Variants in SYT1 observed in about 807,000 individuals in gnomAD.
The protein encoded by SYT1 is synaptotagmin-1.
Under a neutral mutation model 44.8 loss-of-function variants are expected in SYT1, and 8 were observed. The ratio of observed to expected loss-of-function variants is 0.18; its 90% CI spans 0.10 to 0.32. The LOEUF is 0.32. Ranked by LOEUF, SYT1 falls within the 10% of genes least tolerant of loss-of-function variation. SYT1 has a pLI of 1.00. For missense variants in SYT1, 286 were observed against 509.3 expected (o/e 0.56, Z 4.22); for synonymous variants, 154 against 188.8 (o/e 0.82, Z 1.51).
intron 9 of SYT1, among the ~76,000 whole-genome samples, chr12:79,385,043 A>G (rs1165291953): frequency 7.1e-6 from 1 of 141,430 alleles, no homozygotes; most frequent in African/African-American, 2.6e-5. Flanking sequence ...CTGGAGTGCA[A>G]TGGCATGATC....
intron 2 of SYT1, among the ~76,000 whole-genome samples, chr12:79,014,850 G>T (rs1170194665): frequency 6.6e-6 from 1 of 151,728 alleles, no homozygotes; most frequent in Non-Finnish European, 1.5e-5. Flanking sequence ...AGAAAATGTG[G>T]CACATATACA....
chr12:79,150,208 T>C (rs1055338605), intron 3 of SYT1, among the ~76,000 whole-genome samples: 3 of 152,174 alleles, frequency 2.0e-5, no homozygotes, highest in Non-Finnish European at 4.4e-5. Flanking sequence ...TATTACTAAC[T>C]GTAGTCTCCA....
intron 8 of SYT1, among the ~76,000 whole-genome samples, chr12:79,352,671 A>G (rs1457270126): frequency 1.3e-5 from 2 of 151,934 alleles, no homozygotes; most frequent in African/African-American, 4.8e-5. Context: ...CACTTAAGGC[A>G]GGAGAATCAG....
At chr12:78,990,654 A>G (rs1044862467) in intron 2 of SYT1, among the ~76,000 whole-genome samples, 1 of 152,134 alleles carries the variant, frequency 6.6e-6, no homozygotes, top group Non-Finnish European at 1.5e-5. Flanking sequence ...TCCTATTGAC[A>G]TTTCAAATTT....
intron 1 of SYT1, among the ~76,000 whole-genome samples, chr12:78,953,080 A>T (rs1879046152): frequency 6.6e-6 from 1 of 152,100 alleles, no homozygotes; most frequent in Non-Finnish European, 1.5e-5. Context: ...TATTTTCTTC[A>T]TCACTGTATT....
At chr12:79,349,902 T>C (rs997089124) in intron 8 of SYT1, among the ~76,000 whole-genome samples, 2 of 152,172 alleles carry the variant, frequency 1.3e-5, no homozygotes, top group Non-Finnish European at 2.9e-5. Context: ...AACTATTGGG[T>C]TCTTCTAATT....
At chr12:79,181,525 G>A (rs115249161) in intron 3 of SYT1, among the ~76,000 whole-genome samples, 496 of 150,952 alleles carry the variant, frequency 3.3e-3, no homozygotes, top group African/African-American at 0.011. Context: ...TTCTTCCAGG[G>A]CCCCCACTCT....
At chr12:78,973,882 A>T (rs1371747526) in intron 1 of SYT1, among the ~76,000 whole-genome samples, 1 of 141,692 alleles carries the variant, frequency 7.1e-6, no homozygotes, top group African/African-American at 2.6e-5. Context: ...AGATTTTCAA[A>T]GCAACTATAG....
chr12:79,115,619 G>T (rs965436456), intron 3 of SYT1, among the ~76,000 whole-genome samples: 6 of 152,146 alleles, frequency 3.9e-5, no homozygotes, highest in Non-Finnish European at 8.8e-5. Context: ...AGGTAACCTT[G>T]CCTCTGCACA....
chr12:79,334,007 C>T (rs1881976751), intron 8 of SYT1, among the ~76,000 whole-genome samples: 2 of 152,008 alleles, frequency 1.3e-5, no homozygotes, highest in South Asian at 4.1e-4. Flanking sequence ...AACATTGATA[C>T]CCAAAATCCT....
At chr12:78,882,918 G>C (rs1412744036) in intron 1 of SYT1, among the ~76,000 whole-genome samples, 3 of 151,338 alleles carry the variant, frequency 2.0e-5, no homozygotes, top group Non-Finnish European at 3.0e-5. Flanking sequence ...GGAACAGTCT[G>C]TGATCTTACA....
chr12:79,227,307 C>T (rs1368015009), intron 4 of SYT1, among the ~76,000 whole-genome samples: 4 of 152,032 alleles, frequency 2.6e-5, no homozygotes, highest in Non-Finnish European at 5.9e-5. Flanking sequence ...ACACTGTTAT[C>T]TAAATGAAGC....
At chr12:79,178,759 A>G (rs12422840) in intron 3 of SYT1, among the ~76,000 whole-genome samples, 109,131 of 150,368 alleles carry the variant, frequency 0.73, 40,249 homozygotes, top group African/African-American at 0.84. Context: ...CAAAACAGTA[A>G]TTTGTTTATT....
At chr12:78,995,100 T>G (rs769841493) in intron 2 of SYT1, among the ~76,000 whole-genome samples, 1 of 152,144 alleles carries the variant, frequency 6.6e-6, no homozygotes, top group Non-Finnish European at 1.5e-5. Context: ...AAGATTCTGA[T>G]TAAATAGGCC....
At chr12:79,066,510 T>G (rs117090083) in intron 3 of SYT1, among the ~76,000 whole-genome samples, 3,304 of 150,726 alleles carry the variant, frequency 0.022, 62 homozygotes, top group Middle Eastern at 0.11. Flanking sequence ...AACAACTCAG[T>G]GACATGGAGG....
chr12:79,415,246 G>A (rs1868660287), intron 9 of SYT1, among the ~76,000 whole-genome samples: 1 of 152,052 alleles, frequency 6.6e-6, no homozygotes, highest in African/African-American at 2.4e-5. Flanking sequence ...TGTTGCATGT[G>A]CATCCTTTCA....
intron 3 of SYT1, among the ~76,000 whole-genome samples, chr12:79,049,676 T>C (rs1198272131): frequency 6.6e-6 from 1 of 151,884 alleles, no homozygotes; most frequent in Non-Finnish European, 1.5e-5. Context: ...GATAATACAG[T>C]GACATTTTAT....
chr12:79,170,596 T>C (rs1377409596), intron 3 of SYT1, among the ~76,000 whole-genome samples: 1 of 152,140 alleles, frequency 6.6e-6, no homozygotes, highest in Non-Finnish European at 1.5e-5. Flanking sequence ...ATGCTGGATA[T>C]TAGACCTTTG....
chr12:79,126,291 T>C (rs947083213), intron 3 of SYT1, among the ~76,000 whole-genome samples: 11 of 152,378 alleles, frequency 7.2e-5, no homozygotes, highest in Middle Eastern at 3.4e-3. Flanking sequence ...AGACGGAGTC[T>C]CGCTCTGTTG....
Sources: gnomAD v4.1 joint callset for allele counts (sites outside exome capture counted in the v4.1 genomes callset) on GRCh38, gnomAD v4.1.1 for gene constraint, MANE v1.5 for transcripts, NCBI Gene and HGNC (gene_info 2026-07-23, HGNC 2026-07-21) for gene names.